The following IMMP2L variants were observed in gnomAD, a reference collection of about 807,000 sequenced individuals.
IMMP2L encodes the protein mitochondrial inner membrane protease subunit 2.
Under a neutral mutation model 19.3 loss-of-function variants are expected in IMMP2L, and 18 were observed. That is an observed-to-expected ratio of 0.93 (90% CI 0.64 to 1.38). The LOEUF (loss-of-function observed/expected upper bound fraction) is 1.38, where lower values mean the gene tolerates loss of function less well. IMMP2L is among the 40% of genes most tolerant of loss of function. The pLI, the probability that IMMP2L is intolerant of heterozygous loss-of-function variation, is 0.00. For synonymous variants in IMMP2L, 76 were observed against 73.0 expected (o/e 1.04, Z -0.21); for missense variants, 233 against 218.2 (o/e 1.07, Z -0.43).
At chr7:110,979,203 C>T (rs1451315620) in intron 3 of IMMP2L, among the ~76,000 whole-genome samples, 4 of 152,018 alleles carry the variant, frequency 2.6e-5, no homozygotes, top group African/African-American at 4.8e-5. Flanking sequence ...ACAGTATATG[C>T]TAATTTTCTC....
At chr7:110,852,692 T>C (rs1482817010) in intron 5 of IMMP2L, among the ~76,000 whole-genome samples, 1 of 152,060 alleles carries the variant, frequency 6.6e-6, no homozygotes, top group Non-Finnish European at 1.5e-5. Context: ...ATAAAAACGT[T>C]ATTGTAAATG....
intron 3 of IMMP2L, among the ~76,000 whole-genome samples, chr7:111,120,969 T>G (rs893819964): frequency 1.0e-4 from 15 of 150,612 alleles, no homozygotes; most frequent in Non-Finnish European, 2.1e-4. Flanking sequence ...GTTGAAAGAT[T>G]TAAAAGTTGT....
intron 4 of IMMP2L, among the ~76,000 whole-genome samples, chr7:110,887,040 C>T (rs1653740389): frequency 6.6e-6 from 1 of 151,922 alleles, no homozygotes; most frequent in South Asian, 2.1e-4. Flanking sequence ...GTTTTTTTAA[C>T]ATTTGCTTTT....
rs569962843 is a variant in IMMP2L, at chr7:110,832,498, A to G, written c.408+54095T>C. ...AAGCCTGCCTTCCCTATTTTTCACA[A>G]TCTAAAAGGGGCCTGCTGGTGGCGT... On this transcript the variant is annotated intron_variant, in intron 5 of 5. Transcript: ENST00000405709. Among the ~76,000 whole-genome samples, 11 of 152,032 alleles carry G rather than the reference A, an allele frequency of 7.2e-5. No individual in the cohort carries two copies. In the South Asian group the frequency reaches 2.3e-3, roughly 32 times the overall value.
intron 2 of IMMP2L, among the ~76,000 whole-genome samples, chr7:111,499,313 G>A (rs1285781025): frequency 1.3e-5 from 2 of 152,110 alleles, no homozygotes; most frequent in African/African-American, 4.8e-5. Flanking sequence ...GGTAGACAGG[G>A]AATATCAATG....
intron 2 of IMMP2L, among the ~76,000 whole-genome samples, chr7:111,512,812 A>C (rs1027235220): frequency 1.3e-5 from 2 of 152,140 alleles, no homozygotes; most frequent in East Asian, 1.9e-4. Flanking sequence ...TTTATGAAAA[A>C]TCAATTTTCA....
intron 5 of IMMP2L, among the ~76,000 whole-genome samples, chr7:110,799,319 T>C (rs1268526728): frequency 6.6e-6 from 1 of 151,998 alleles, no homozygotes; most frequent in Non-Finnish European, 1.5e-5. Context: ...GGGTGACTCC[T>C]TCACTAAAAC....
chr7:110,998,160 C>T (rs1371281882), intron 3 of IMMP2L, among the ~76,000 whole-genome samples: 6 of 152,152 alleles, frequency 3.9e-5, no homozygotes, highest in Admixed American at 3.9e-4. Context: ...GGCTTTTGCC[C>T]TCTTCCAGTA....
intron 3 of IMMP2L, among the ~76,000 whole-genome samples, chr7:111,222,699 A>G (rs1487212543): frequency 1.3e-5 from 2 of 152,194 alleles, no homozygotes; most frequent in African/African-American, 4.8e-5. Flanking sequence ...ACATTCTTAT[A>G]TAAGAACGTC....
At chr7:110,672,792 G>A (rs1178561305) in intron 5 of IMMP2L, among the ~76,000 whole-genome samples, 1 of 152,192 alleles carries the variant, frequency 6.6e-6, no homozygotes, top group Non-Finnish European at 1.5e-5. Context: ...TCACGCTGAT[G>A]CAAGAGGTGA....
At chr7:111,462,351 A>G (rs772179697) in intron 3 of IMMP2L, among the ~76,000 whole-genome samples, 10 of 152,090 alleles carry the variant, frequency 6.6e-5, no homozygotes, top group Non-Finnish European at 1.3e-4. Flanking sequence ...TTTGTGCCCA[A>G]TGGTTTTCCA....
rs144902637 is a variant in IMMP2L at position 111,339,960 on chromosome 7, C to T, written c.239+147278G>A. ...CAGAGTGCTAGTTGGGATTCTCAGG[C>T]AAATTATAGTTGTCAAAGAAATATC... On this transcript the variant is annotated intron_variant, in intron 3 of 5. Transcript: ENST00000405709. Among the ~76,000 whole-genome samples the T allele has an allele frequency of 1.6e-3, 247 of 152,002 alleles. 1 individual carries two copies. The highest frequency in any genetic ancestry group is 5.6e-3 in the African/African-American group (233 of 41,516).
chr7:111,380,210 G>T (rs1222807624), intron 3 of IMMP2L, among the ~76,000 whole-genome samples: 1 of 151,860 alleles, frequency 6.6e-6, no homozygotes, highest in East Asian at 1.9e-4. Flanking sequence ...GTCATATGAA[G>T]GCCCCGCCAT....
intron 3 of IMMP2L, among the ~76,000 whole-genome samples, chr7:111,240,573 T>C (rs1436327978): frequency 6.6e-6 from 1 of 151,944 alleles, no homozygotes; most frequent in Non-Finnish European, 1.5e-5. Context: ...GATTTTGTTC[T>C]CATATGGTAA....
intron 3 of IMMP2L, among the ~76,000 whole-genome samples, chr7:111,477,041 G>A (rs1333604544): frequency 1.3e-5 from 2 of 152,054 alleles, no homozygotes; most frequent in Non-Finnish European, 2.9e-5. Context: ...GAATCTGCTT[G>A]GAAACCAAAG....
chr7:110,853,683 TTC>T (rs1033027158), intron 5 of IMMP2L, among the ~76,000 whole-genome samples: 1 of 152,060 alleles, frequency 6.6e-6, no homozygotes, highest in Non-Finnish European at 1.5e-5. Flanking sequence ...TTTTCTATTT[TTC>T]TCTCTAGAAG....
At chr7:111,016,726 A>G (rs1825634259) in intron 3 of IMMP2L, among the ~76,000 whole-genome samples, 1 of 97,980 alleles carries the variant, frequency 1.0e-5, no homozygotes, top group African/African-American at 4.3e-5. Flanking sequence ...ATATTTATAT[A>G]TAAAATATAT....
intron 3 of IMMP2L, among the ~76,000 whole-genome samples, chr7:111,303,419 A>G (rs1170966502): frequency 6.6e-6 from 1 of 152,106 alleles, no homozygotes; most frequent in African/African-American, 2.4e-5. Flanking sequence ...GTTTGTTTAC[A>G]TATACTCACA....
intron 3 of IMMP2L, among the ~76,000 whole-genome samples, chr7:111,453,103 T>A (rs1263288950): frequency 1.3e-5 from 2 of 152,166 alleles, no homozygotes; most frequent in African/African-American, 4.8e-5. Context: ...ATTTTTCTAA[T>A]CTTCGTGTCA....
Sources: allele counts gnomAD v4.1 joint callset (sites outside exome capture counted in the v4.1 genomes callset), GRCh38; gene constraint gnomAD v4.1.1; transcripts MANE v1.5; gene names NCBI Gene and HGNC (gene_info 2026-07-23, HGNC 2026-07-21).